Variants in NBPF15 observed in about 807,000 individuals in gnomAD.
The protein encoded by NBPF15 is NBPF family member NBPF15.
NBPF15 carries 74 observed loss-of-function variants against 62.2 expected under a neutral mutation model. The observed-to-expected ratio is 1.19, with a 90% confidence interval of 0.99 to 1.44. The LOEUF is 1.44. NBPF15 is among the 40% of genes most tolerant of loss of function. The pLI is 0.00. For synonymous variants in NBPF15, 244 were observed against 209.7 expected (o/e 1.16, Z -1.41); for missense variants, 790 against 550.0 (o/e 1.44, Z -4.36).
chr1:144,440,400 A>G (rs1194772927), intron 6 of NBPF15, 105 bp from the exon 7 acceptor site: 4 of 623,120 alleles, frequency 6.4e-6, no homozygotes, highest in Non-Finnish European at 1.1e-5. Context: ...CCCTAGTCTC[A>G]CCTGAGGGTC....
intron 6 of NBPF15, among the ~76,000 whole-genome samples, chr1:144,442,346 A>G (rs1684094109): frequency 7.3e-6 from 1 of 136,540 alleles, no homozygotes; most frequent in South Asian, 2.2e-4. Flanking sequence ...TGCCATGTAT[A>G]TATATATACA....
chr1:144,432,357 C>T (rs1468068172), intron 13 of NBPF15, among the ~76,000 whole-genome samples: 3 of 151,846 alleles, frequency 2.0e-5, no homozygotes, highest in Admixed American at 6.6e-5. Context: ...CAAAAACATG[C>T]CAAACTGTAA....
chr1:144,431,453 C>T (rs1674214367), intron 13 of NBPF15, among the ~76,000 whole-genome samples: 1 of 147,602 alleles, frequency 6.8e-6, no homozygotes, highest in South Asian at 2.1e-4. Context: ...TATAGTTTTC[C>T]TTTATTATTT....
At chr1:144,433,406 C>CA (rs1450333196) in intron 13 of NBPF15, among the ~76,000 whole-genome samples, 1 of 151,268 alleles carries the variant, frequency 6.6e-6, no homozygotes, top group African/African-American at 2.4e-5. Flanking sequence ...AGAAGCAAAG[C>CA]AAACAAATTC....
chr1:144,455,840 G>T (rs1694133067), intron 4 of NBPF15, among the ~76,000 whole-genome samples: 1 of 151,888 alleles, frequency 6.6e-6, no homozygotes, highest in Non-Finnish European at 1.5e-5. Flanking sequence ...GGGGTCTCTA[G>T]CCCAGAGCAG....
At chr1:144,445,172 ATCTAT>A (rs1686400278) in intron 6 of NBPF15, among the ~76,000 whole-genome samples, 1 of 150,624 alleles carries the variant, frequency 6.6e-6, no homozygotes, top group African/African-American at 2.4e-5. Flanking sequence ...TTTCTGAAGT[ATCTAT>A]TCAAGTCTTT....
At chr1:144,457,695 A>G (rs1205055339) in intron 3 of NBPF15, among the ~76,000 whole-genome samples, 2 of 152,078 alleles carry the variant, frequency 1.3e-5, no homozygotes, top group Non-Finnish European at 2.9e-5. Context: ...GATTGAACAC[A>G]TACAAAATAA....
chr1:144,428,146 C>A (rs587723617), intron 15 of NBPF15, among the ~76,000 whole-genome samples, 156 bp from the exon 16 acceptor site: 1 of 150,542 alleles, frequency 6.6e-6, no homozygotes, highest in African/African-American at 2.5e-5. Context: ...TTGGGATAGA[C>A]TAGGGCCAGG....
chr1:144,431,818 G>A (rs1240291125), intron 13 of NBPF15, among the ~76,000 whole-genome samples: 2,712 of 140,972 alleles, frequency 0.019, 48 homozygotes, highest in Non-Finnish European at 0.031. Flanking sequence ...CAAAGGACAT[G>A]AACTCATCAT....
In NBPF15 at chr1:144,426,331, C is replaced by T. The variant is rs1210542568; in HGVS notation, c.1385G>A (p.Ser462Asn). Residue 462 changes from serine to asparagine, a missense_variant, in exon 18 of 22, where the codon AGT becomes AAT. Coordinates refer to ENST00000581897, the MANE Select transcript of NBPF15 (RefSeq NM_001385408.1). The part of the protein sequence containing the change: ...ELPDLGQPYS[S>N]AVYSLEEQYL... ...CTGTTCCTCCAATGAGTAAACAGCA[C>T]TGCTGTAGGGCTGGCCTAAGTCAGG... 6.4e-6 allele frequency: 5 copies of T among 775,818 alleles called. No individual in the cohort carries two copies. Among genetic ancestry groups the T allele is most frequent in the South Asian group, 5.4e-5 (4 of 73,504 alleles). 48.1% of individuals were successfully genotyped at this position (775,818 alleles called of 1,614,324 possible).
rs1376237976 is a variant in NBPF15 at position 144,427,290 on chromosome 1, G to C, written c.1214-192C>G. Among the ~76,000 whole-genome samples, 5 of 140,554 alleles carry C rather than the reference G, an allele frequency of 3.6e-5. No individual in the cohort carries two copies. In the East Asian group the frequency reaches 6.3e-4, roughly 18 times the overall value. 92.2% of individuals were successfully genotyped at this position (140,554 alleles called of 152,430 possible). A position where few individuals can be genotyped will look rare whatever the true frequency, so the allele number is the denominator to read the frequency against. On this transcript the variant is annotated intron_variant, in intron 16 of 21. Coordinates refer to ENST00000581897, the MANE Select transcript of NBPF15 (RefSeq NM_001385408.1). ...CTTGGTTTTTGTCCCAGAAACTGTG[G>C]GTAAAATTCCCTATTCTGGTAGATC...
chr1:144,443,373 T>A (rs1170116348), intron 6 of NBPF15, among the ~76,000 whole-genome samples: 5 of 151,972 alleles, frequency 3.3e-5, no homozygotes, highest in African/African-American at 1.2e-4. Flanking sequence ...AAAATCAGGT[T>A]TGAAATCTAG....
rs1270614629 is a variant in NBPF15 at position 144,448,025 on chromosome 1, C to T, written c.-191+750G>A. Among the ~76,000 whole-genome samples the T allele has an allele frequency of 6.5e-4, 99 of 152,060 alleles. 3 individuals are homozygous for T. The highest frequency in any genetic ancestry group is 2.3e-3 in the African/African-American group (95 of 41,398). ...ACAGAGCCCACAAGCCTTAGCCATG[C>T]TTTGCTTCTGCAAGACGCTTCTTCA... On this transcript the variant is annotated intron_variant, in intron 6 of 21. Coordinates refer to ENST00000581897, the MANE Select transcript of NBPF15 (RefSeq NM_001385408.1).
chr1:144,445,913 G>A lies in NBPF15; in HGVS notation c.-191+2862C>T, dbSNP rs782787192. 6.2e-4 allele frequency among the ~76,000 whole-genome samples: 87 copies of A among 139,342 alleles called. 1 individual carries two copies. Among genetic ancestry groups the A allele is most frequent in the Non-Finnish European group, 8.8e-4 (58 of 65,974 alleles). 91.4% of individuals were successfully genotyped at this position (139,342 alleles called of 152,430 possible). On this transcript the variant is annotated intron_variant, in intron 6 of 21. Coordinates refer to ENST00000581897, the MANE Select transcript of NBPF15 (RefSeq NM_001385408.1). ...GCTCTGTTACCCAGGCTGGAGTGCA[G>A]TGATGCGATCTCGGCTCACTGCAAC...
At chr1:144,452,422 T>C (rs61812367) in intron 4 of NBPF15, among the ~76,000 whole-genome samples, 66 of 150,560 alleles carry the variant, frequency 4.4e-4, no homozygotes, top group Middle Eastern at 6.8e-3. Context: ...TAGTCCACTA[T>C]ATAAAGTCCC....
At position 144,423,272 on chromosome 1, in the gene NBPF15, A is replaced by G. The variant is rs782151180; in HGVS notation, c.1770-16T>C. 1 of 1,611,562 alleles carries G rather than the reference A, an allele frequency of 6.2e-7. No homozygotes were observed. Reference sequence around the variant, plus strand: ...GCCGTAGAGCCTGGAAAAGGAGACAAAACTAAAGAAGCAGCCAGGGAAAAT... The same window carrying G: ...GCCGTAGAGCCTGGAAAAGGAGACAGAACTAAAGAAGCAGCCAGGGAAAAT... On this transcript the variant is annotated splice_polypyrimidine_tract_variant and intron_variant, in intron 21 of 21. Transcript: ENST00000581897.
At chr1:144,436,087 T>C (rs369972052) in intron 10 of NBPF15, among the ~76,000 whole-genome samples, 20 of 151,936 alleles carry the variant, frequency 1.3e-4, no homozygotes, top group African/African-American at 3.9e-4. Flanking sequence ...AAAGACCTTT[T>C]GCTTCCCATA....
intron 14 of NBPF15, among the ~76,000 whole-genome samples, chr1:144,428,861 C>G (rs1490760030): frequency 6.6e-6 from 1 of 151,898 alleles, no homozygotes; most frequent in Non-Finnish European, 1.5e-5. Flanking sequence ...GCAAAATTCC[C>G]CTGTTTTGGA....
chr1:144,428,215 AGCGAG>A (rs1671345205), intron 15 of NBPF15, among the ~76,000 whole-genome samples: 1 of 145,192 alleles, frequency 6.9e-6, no homozygotes, highest in African/African-American at 2.6e-5. Context: ...ACACACACAG[AGCGAG>A]CTCAGTGAAT....
Sources: allele counts gnomAD v4.1 joint callset (sites outside exome capture counted in the v4.1 genomes callset), GRCh38; gene constraint gnomAD v4.1.1; transcripts MANE v1.5; gene names NCBI Gene and HGNC (gene_info 2026-07-23, HGNC 2026-07-21).